Variants in TENM4 observed in about 807,000 individuals in gnomAD.
The protein encoded by TENM4 is teneurin transmembrane protein 4, also known as teneurin-4.
Under a neutral mutation model 243.3 loss-of-function variants are expected in TENM4, and 82 were observed. The ratio of observed to expected loss-of-function variants is 0.34; its 90% CI spans 0.28 to 0.40. The LOEUF (loss-of-function observed/expected upper bound fraction) is 0.40, where lower values mean the gene tolerates loss of function less well. Among genes scored for constraint, TENM4 ranks in the 10% least tolerant of loss-of-function variants. The pLI is 1.00. For synonymous variants in TENM4, 1,412 were observed against 1,456.3 expected (o/e 0.97, Z 0.69); for missense variants, 3,138 against 3,673.3 (o/e 0.85, Z 3.77).
At chr11:78,677,249 CTTT>C (rs67423363) in intron 29 of TENM4, among the ~76,000 whole-genome samples, 6 of 137,090 alleles carry the variant, frequency 4.4e-5, no homozygotes, top group Non-Finnish European at 6.2e-5. Flanking sequence ...AAGGGTTGAA[CTTT>C]TTTTTTTTTT....
intron 7 of TENM4, 68 bp downstream of exon 7, chr11:78,903,200 C>T: frequency 6.9e-7 from 1 of 1,451,394 alleles, no homozygotes; most frequent in South Asian, 1.4e-5. Flanking sequence ...GCCCCGCCAG[C>T]CAAAGACCTT....
chr11:79,255,074 C>T (rs546304394), intron 2 of TENM4, among the ~76,000 whole-genome samples: 60 of 152,276 alleles, frequency 3.9e-4, no homozygotes, highest in Middle Eastern at 3.4e-3. Flanking sequence ...GCAGCAGCCC[C>T]GCTGGGTGAC....
rs752205872 is a variant in TENM4, at chr11:78,701,561, G to T, written c.5052C>A (p.Thr1684=). ...TYHGNSGLLA[T]KSNENGWTTF... is the part of the protein sequence containing the mutation. ...TTGTCCATCCGTTTTCATTGCTTTTGGTTGCCAGAAGGCCGGAATTGCCAT... is the reference window on the plus strand; with the variant it reads ...TTGTCCATCCGTTTTCATTGCTTTTTGTTGCCAGAAGGCCGGAATTGCCAT... The change falls in exon 28 of 34, where the codon ACC becomes ACA. Residue 1684 remains threonine (T), a synonymous_variant. Transcript: ENST00000278550. 1.3e-6 allele frequency: 2 copies of T among 1,597,008 alleles called. No individual in the cohort carries two copies. Among genetic ancestry groups the T allele is most frequent in the African/African-American group, 2.7e-5 (2 of 74,606 alleles).
chr11:79,387,598 G>A (rs1285605825), intron 1 of TENM4, among the ~76,000 whole-genome samples: 1 of 149,584 alleles, frequency 6.7e-6, no homozygotes, highest in Non-Finnish European at 1.5e-5. Flanking sequence ...CACATAGCAT[G>A]TACTTCATAA....
chr11:79,433,087 G>A (rs1412058579), intron 1 of TENM4, among the ~76,000 whole-genome samples: 1 of 152,102 alleles, frequency 6.6e-6, no homozygotes, highest in African/African-American at 2.4e-5. Context: ...TGAAAGAATG[G>A]GCACATCCCT....
intron 4 of TENM4, among the ~76,000 whole-genome samples, chr11:79,124,117 G>A (rs1042051782): frequency 6.6e-6 from 1 of 152,174 alleles, no homozygotes; most frequent in Admixed American, 6.5e-5. Flanking sequence ...CTGAGGCTGG[G>A]TACTTTGTCC....
chr11:78,842,595 T>A (rs966756156), intron 12 of TENM4, among the ~76,000 whole-genome samples: 3 of 152,362 alleles, frequency 2.0e-5, no homozygotes, highest in Middle Eastern at 6.8e-3. Flanking sequence ...GGCCTGAACC[T>A]CATTTTCCAG....
intron 29 of TENM4, among the ~76,000 whole-genome samples, chr11:78,677,286 G>A (rs570366436): frequency 8.1e-6 from 1 of 122,834 alleles, no homozygotes; most frequent in African/African-American, 3.0e-5. Context: ...GTCTTGTTCT[G>A]TTGCCCAGGC....
At chr11:78,906,141 A>G (rs1268289617) in intron 6 of TENM4, among the ~76,000 whole-genome samples, 1 of 152,210 alleles carries the variant, frequency 6.6e-6, no homozygotes, top group Non-Finnish European at 1.5e-5. Flanking sequence ...TACTTAATTG[A>G]TATAGTTTCT....
At chr11:78,868,707 G>C (rs1859049430) in intron 9 of TENM4, among the ~76,000 whole-genome samples, 1 of 152,204 alleles carries the variant, frequency 6.6e-6, no homozygotes, top group Non-Finnish European at 1.5e-5. Flanking sequence ...CAGTACAGGT[G>C]AGTTTCTGCT....
intron 2 of TENM4, among the ~76,000 whole-genome samples, chr11:79,254,898 G>T (rs1027380776): frequency 2.1e-4 from 32 of 152,264 alleles, no homozygotes; most frequent in Admixed American, 4.6e-4. Context: ...TTGGGAGGTG[G>T]AAGGAGACAG....
chr11:79,053,985 G>C (rs1859871242), intron 6 of TENM4, among the ~76,000 whole-genome samples: 1 of 152,178 alleles, frequency 6.6e-6, no homozygotes, highest in South Asian at 2.1e-4. Flanking sequence ...CTAGTTTCAT[G>C]TTGTGCCCAT....
Position 78,658,024 on chromosome 11 carries a change from G to A in TENM4, c.*34C>T. 1 of 1,609,794 alleles carries A rather than the reference G, an allele frequency of 6.2e-7. No homozygotes were observed. The highest frequency in any genetic ancestry group is 8.5e-7 in the Non-Finnish European group (1 of 1,177,482). On this transcript the variant is annotated 3_prime_UTR_variant, in exon 34 of 34. Coordinates refer to ENST00000278550, the MANE Select transcript of TENM4 (RefSeq NM_001098816.3). ...TCAGGTATGCGGCCACAAAAGAGTA[G>A]CTGTCTTTGGCAAGAAGTCCTTGGT...
intron 4 of TENM4, among the ~76,000 whole-genome samples, chr11:79,115,885 G>T (rs566168410): frequency 1.3e-5 from 2 of 152,314 alleles, no homozygotes; most frequent in Admixed American, 6.5e-5. Context: ...TCCAAGGTCT[G>T]CTCTGACTCG....
chr11:79,393,224 G>T (rs1182970623), intron 1 of TENM4, among the ~76,000 whole-genome samples: 1 of 152,152 alleles, frequency 6.6e-6, no homozygotes, highest in South Asian at 2.1e-4. Context: ...AATATAAGAG[G>T]AGTCTCAGAG....
chr11:79,353,629 A>G (rs1171470693), intron 1 of TENM4, among the ~76,000 whole-genome samples: 1 of 152,152 alleles, frequency 6.6e-6, no homozygotes, highest in Non-Finnish European at 1.5e-5. Context: ...CTTATAATCA[A>G]TCAAGCAAAT....
At chr11:78,722,059 GA>G (rs1356732630) in intron 24 of TENM4, among the ~76,000 whole-genome samples, 1 of 152,190 alleles carries the variant, frequency 6.6e-6, no homozygotes, top group Admixed American at 6.5e-5. Flanking sequence ...GAGGAGCAGA[GA>G]GGTCAGTTTT....
intron 7 of TENM4, among the ~76,000 whole-genome samples, 164 bp from the exon 8 acceptor site, chr11:78,891,500 T>C (rs1220325925): frequency 6.6e-6 from 1 of 152,102 alleles, no homozygotes; most frequent in East Asian, 1.9e-4. Context: ...GTGCAAGGGG[T>C]CCACCTGGCA....
chr11:79,040,649 C>T (rs1859498640), intron 6 of TENM4, among the ~76,000 whole-genome samples: 1 of 152,204 alleles, frequency 6.6e-6, no homozygotes, highest in African/African-American at 2.4e-5. Context: ...TTGGCCAGCA[C>T]AGCCTGGAGA....
Sources: allele counts gnomAD v4.1 joint callset (sites outside exome capture counted in the v4.1 genomes callset), GRCh38; gene constraint gnomAD v4.1.1; transcripts MANE v1.5; gene names NCBI Gene and HGNC (gene_info 2026-07-23, HGNC 2026-07-21).